The following MSRA variants were observed in gnomAD, a reference collection of about 807,000 sequenced individuals.
MSRA encodes the protein mitochondrial peptide methionine sulfoxide reductase.
Under a neutral mutation model 31.3 loss-of-function variants are expected in MSRA, and 54 were observed. That is an observed-to-expected ratio of 1.73 (90% CI 1.39 to 2.17). The LOEUF is 2.17. Ranked by LOEUF, MSRA falls within the 30% of genes most tolerant of loss-of-function variation. The pLI is 0.00. For synonymous variants in MSRA, 169 were observed against 116.5 expected (o/e 1.45, Z -2.90); for missense variants, 507 against 300.9 (o/e 1.69, Z -5.07).
intron 1 of MSRA, among the ~76,000 whole-genome samples, chr8:10,075,294 G>A (rs950343186): frequency 6.6e-6 from 1 of 152,132 alleles, no homozygotes; most frequent in African/African-American, 2.4e-5. Context: ...ATCGTATTTG[G>A]AAGTTGTGTG....
At chr8:10,341,024 C>A (rs7837979) in intron 5 of MSRA, among the ~76,000 whole-genome samples, 2 of 152,006 alleles carry the variant, frequency 1.3e-5, no homozygotes, top group Admixed American at 1.3e-4. Flanking sequence ...AATTTAGATG[C>A]CAAGTGAGAG....
chr8:10,206,863 G>C (rs1809030088), intron 1 of MSRA, among the ~76,000 whole-genome samples: 1 of 152,164 alleles, frequency 6.6e-6, no homozygotes, highest in African/African-American at 2.4e-5. Context: ...GAAGATAACT[G>C]TACTCTCCTC....
chr8:10,122,531 T>TG (rs1202219255), intron 1 of MSRA, among the ~76,000 whole-genome samples: 3 of 149,668 alleles, frequency 2.0e-5, no homozygotes, highest in South Asian at 4.3e-4. Flanking sequence ...TATTTTTTTG[T>TG]GTTTTTTTTT....
At chr8:10,356,389 T>G (rs77700990) in intron 5 of MSRA, among the ~76,000 whole-genome samples, 2 of 152,198 alleles carry the variant, frequency 1.3e-5, no homozygotes, top group Admixed American at 1.3e-4. Flanking sequence ...ACTTTGCTAG[T>G]CCCCCTAAGA....
intron 1 of MSRA, among the ~76,000 whole-genome samples, chr8:10,095,021 A>G (rs747118576): frequency 6.6e-6 from 1 of 152,234 alleles, no homozygotes; most frequent in Non-Finnish European, 1.5e-5. Flanking sequence ...TTGCAGATCA[A>G]TCAAAACTAT....
At chr8:10,219,882 T>A (rs1810340062) in intron 2 of MSRA, among the ~76,000 whole-genome samples, 1 of 151,982 alleles carries the variant, frequency 6.6e-6, no homozygotes, top group African/African-American at 2.4e-5. Flanking sequence ...TTTTGTTTGT[T>A]TGTTTTTTGT....
intron 1 of MSRA, among the ~76,000 whole-genome samples, chr8:10,122,441 T>C (rs1168055717): frequency 1.3e-5 from 2 of 152,076 alleles, no homozygotes; most frequent in East Asian, 1.9e-4. Flanking sequence ...AAAACTGTGA[T>C]GTAAATGATG....
chr8:10,283,266 G>A (rs1228086649), intron 3 of MSRA, among the ~76,000 whole-genome samples: 2 of 151,828 alleles, frequency 1.3e-5, no homozygotes, highest in Admixed American at 6.6e-5. Context: ...GTATCACACG[G>A]TGGATCCTGC....
chr8:10,257,950 A>G (rs1798269858), intron 3 of MSRA, among the ~76,000 whole-genome samples: 1 of 152,246 alleles, frequency 6.6e-6, no homozygotes, highest in Non-Finnish European at 1.5e-5. Context: ...ATTTCCACAC[A>G]CACACGTTGA....
intron 1 of MSRA, among the ~76,000 whole-genome samples, chr8:10,073,955 C>T (rs1186229267): frequency 6.7e-6 from 1 of 148,704 alleles, no homozygotes; most frequent in East Asian, 2.1e-4. Context: ...AGATACATGA[C>T]TTCACTGATC....
chr8:10,248,434 G>T (rs1341616179), intron 3 of MSRA, among the ~76,000 whole-genome samples: 2 of 152,144 alleles, frequency 1.3e-5, no homozygotes, highest in African/African-American at 4.8e-5. Context: ...CTTATGTGAT[G>T]ACGCACATCA....
intron 1 of MSRA, among the ~76,000 whole-genome samples, chr8:10,168,323 C>A (rs1233662982): frequency 6.6e-6 from 1 of 152,134 alleles, no homozygotes; most frequent in Non-Finnish European, 1.5e-5. Flanking sequence ...CAGTATCTCT[C>A]TCTATAGATG....
At chr8:10,222,499 T>C (rs1160491910) in intron 2 of MSRA, among the ~76,000 whole-genome samples, 1 of 152,152 alleles carries the variant, frequency 6.6e-6, no homozygotes, top group East Asian at 1.9e-4. Context: ...CAATTCTACT[T>C]CTTCATATCT....
At chr8:10,296,770 C>T (rs982622463) in intron 3 of MSRA, among the ~76,000 whole-genome samples, 1 of 152,172 alleles carries the variant, frequency 6.6e-6, no homozygotes. Context: ...TGCCAGGGAG[C>T]TGTGGTGTGG....
intron 1 of MSRA, among the ~76,000 whole-genome samples, chr8:10,185,135 T>C (rs1404907239): frequency 1.3e-5 from 2 of 152,334 alleles, no homozygotes; most frequent in East Asian, 3.9e-4. Flanking sequence ...CCCCTGCTGA[T>C]CTCTCATCTC....
At chr8:10,356,816 A>G (rs987340161) in intron 5 of MSRA, among the ~76,000 whole-genome samples, 25 of 146,132 alleles carry the variant, frequency 1.7e-4, no homozygotes, top group Non-Finnish European at 1.3e-4. Flanking sequence ...AGTCCATGGT[A>G]TGTTGTTACG....
intron 5 of MSRA, among the ~76,000 whole-genome samples, chr8:10,393,190 C>T (rs1806872427): frequency 6.6e-6 from 1 of 152,144 alleles, no homozygotes; most frequent in South Asian, 2.1e-4. Context: ...AAGCAGCCGC[C>T]CGCCCCCCGT....
chr8:10,353,333 T>C (rs891881388), intron 5 of MSRA, among the ~76,000 whole-genome samples: 2 of 152,188 alleles, frequency 1.3e-5, no homozygotes, highest in South Asian at 2.1e-4. Flanking sequence ...CACCAAAATA[T>C]ATATACATGA....
intron 5 of MSRA, among the ~76,000 whole-genome samples, chr8:10,360,625 T>C (rs1804791413): frequency 6.6e-6 from 1 of 152,206 alleles, no homozygotes; most frequent in Non-Finnish European, 1.5e-5. Context: ...ATTCGATAAA[T>C]GTTTGTAGCA....
Sources: allele counts gnomAD v4.1 joint callset (sites outside exome capture counted in the v4.1 genomes callset), GRCh38; gene constraint gnomAD v4.1.1; transcripts MANE v1.5; gene names NCBI Gene and HGNC (gene_info 2026-07-23, HGNC 2026-07-21).